The following STK38 variants were observed in gnomAD, a reference collection of about 807,000 sequenced individuals.
STK38 encodes the protein serine/threonine kinase 38, also known as serine/threonine-protein kinase 38.
A neutral mutation model predicts 59.0 loss-of-function variants in STK38; 26 were observed. That is an observed-to-expected ratio of 0.44 (90% CI 0.32 to 0.61). The LOEUF (loss-of-function observed/expected upper bound fraction) is 0.61. STK38 is among the 20% of genes least tolerant of loss of function. STK38 has a pLI of 0.04. For missense variants in STK38, 433 were observed against 566.0 expected (o/e 0.76, Z 2.38); for synonymous variants, 175 against 176.6 (o/e 0.99, Z 0.07).
intron 5 of STK38, among the ~76,000 whole-genome samples, chr6:36,519,877 T>G (rs1375735278): frequency 6.6e-6 from 1 of 152,206 alleles, no homozygotes; most frequent in African/African-American, 2.4e-5. Flanking sequence ...TGTCTTACCC[T>G]TTAAATTTTT....
chr6:36,495,768 T>C lies in STK38; in HGVS notation c.*16A>G, dbSNP rs777707337. On this transcript the variant is annotated 3_prime_UTR_variant, in exon 14 of 14. Transcript: ENST00000229812. ...ACAAAGAACTCTGCTCCACATAGGA[T>C]TCCGTGGCAAGAGTACTATTTTGCT... 13 of 1,613,504 alleles carry C rather than the reference T, an allele frequency of 8.1e-6. No individual in the cohort carries two copies. In the South Asian group the frequency reaches 1.3e-4, roughly 16 times the overall value.
At chr6:36,514,586 A>C (rs995206486) in intron 7 of STK38, among the ~76,000 whole-genome samples, 15 of 152,168 alleles carry the variant, frequency 9.9e-5, no homozygotes, top group Non-Finnish European at 2.1e-4. Context: ...TTATCTAGCA[A>C]GTTAGTTGGC....
At chr6:36,507,966 C>T (rs1777008420) in intron 7 of STK38, among the ~76,000 whole-genome samples, 2 of 122,000 alleles carry the variant, frequency 1.6e-5, no homozygotes, top group South Asian at 2.5e-4. Flanking sequence ...CATGGTCTTG[C>T]TGTGTCACCC....
chr6:36,517,598 G>C, intron 6 of STK38, 119 bp downstream of exon 6: 1 of 1,348,786 alleles, frequency 7.4e-7, no homozygotes, highest in African/African-American at 1.5e-5. Context: ...ACCTAAAAAA[G>C]GATATAGAAA....
chr6:36,504,339 C>CT (rs1776909846), intron 9 of STK38, among the ~76,000 whole-genome samples: 1 of 152,180 alleles, frequency 6.6e-6, no homozygotes, highest in Non-Finnish European at 1.5e-5. Flanking sequence ...AAAGCCTCTA[C>CT]TTTTTTTAGT....
chr6:36,494,248 G>C lies in STK38; in HGVS notation c.*1536C>G, dbSNP rs190270305. Reference sequence around the variant, plus strand: ...ATCCAAAGTAGTTTCACTGACAACTGTAACTCTGATATTCCATTTTTCTCT... The same window carrying C: ...ATCCAAAGTAGTTTCACTGACAACTCTAACTCTGATATTCCATTTTTCTCT... On this transcript the variant is annotated 3_prime_UTR_variant, in exon 14 of 14. Transcript: ENST00000229812. 2.4e-3 allele frequency: 360 copies of C among 152,734 alleles called. 2 individuals are homozygous for C. The highest frequency in any genetic ancestry group is 8.3e-3 in the African/African-American group (343 of 41,564). 9.5% of individuals were successfully genotyped at this position (152,734 alleles called of 1,614,324 possible).
intron 10 of STK38, 103 bp from the exon 11 acceptor site, chr6:36,498,589 CTTTTTTT>C (rs374274208): frequency 6.1e-5 from 57 of 936,308 alleles, no homozygotes; most frequent in African/African-American, 2.3e-4. Flanking sequence ...TTTCTTTTTT[CTTTTTTT>C]TTTTTTTTTG....
chr6:36,543,225 C>T (rs1019804567), intron 1 of STK38, among the ~76,000 whole-genome samples: 17 of 151,724 alleles, frequency 1.1e-4, no homozygotes, highest in African/African-American at 2.9e-4. Flanking sequence ...CCACCACGCC[C>T]GGCTAATTTT....
At chr6:36,507,395 A>C (rs1478375446) in intron 8 of STK38, 105 bp downstream of exon 8, 1 of 942,120 alleles carries the variant, frequency 1.1e-6, no homozygotes, top group Non-Finnish European at 1.7e-6. Flanking sequence ...TTCTCTACAT[A>C]CTCAAAGTGT....
chr6:36,536,799 G>T (rs920895818), intron 2 of STK38, among the ~76,000 whole-genome samples: 29 of 151,858 alleles, frequency 1.9e-4, no homozygotes, highest in African/African-American at 6.8e-4. Flanking sequence ...GCCTCCCAAA[G>T]TGCTGGGATT....
intron 2 of STK38, among the ~76,000 whole-genome samples, chr6:36,528,983 A>G (rs772379313): frequency 2.6e-5 from 4 of 152,318 alleles, no homozygotes; most frequent in Middle Eastern, 3.4e-3. Flanking sequence ...CTTGAACACA[A>G]TCAGATTATT....
chr6:36,506,440 A>G, intron 9 of STK38, 143 bp downstream of exon 9: 1 of 813,866 alleles, frequency 1.2e-6, no homozygotes. Context: ...GGTCCTACCA[A>G]CCTAACAACA....
intron 5 of STK38, among the ~76,000 whole-genome samples, 157 bp from the exon 6 acceptor site, chr6:36,517,997 C>A (rs922803942): frequency 1.3e-5 from 2 of 152,182 alleles, no homozygotes; most frequent in Non-Finnish European, 2.9e-5. Context: ...AACCTACTAA[C>A]TCAAAATTGA....
intron 5 of STK38, among the ~76,000 whole-genome samples, chr6:36,520,105 G>T (rs971470446): frequency 1.3e-5 from 2 of 152,188 alleles, no homozygotes; most frequent in Non-Finnish European, 2.9e-5. Context: ...GCTTCTTCAA[G>T]ATGGCTAAGC....
At chr6:36,505,215 T>C (rs1162491385) in intron 9 of STK38, among the ~76,000 whole-genome samples, 1 of 152,140 alleles carries the variant, frequency 6.6e-6, no homozygotes. Context: ...GCAACCAAGG[T>C]TAAAAACTAC....
intron 10 of STK38, among the ~76,000 whole-genome samples, chr6:36,499,638 T>C (rs909337339): frequency 1.3e-5 from 2 of 152,068 alleles, no homozygotes; most frequent in Non-Finnish European, 2.9e-5. Flanking sequence ...GATGAAGGTA[T>C]AAGAGAAAGA....
At chr6:36,520,277 T>C (rs1777348423) in intron 5 of STK38, among the ~76,000 whole-genome samples, 1 of 152,270 alleles carries the variant, frequency 6.6e-6, no homozygotes, top group South Asian at 2.1e-4. Context: ...ATAGTTTCTT[T>C]ACTTTCATTT....
intron 4 of STK38, among the ~76,000 whole-genome samples, chr6:36,522,749 G>A (rs553500962): frequency 8.0e-5 from 12 of 150,148 alleles, no homozygotes; most frequent in South Asian, 2.1e-4. Flanking sequence ...CCAGTTATTC[G>A]GGAGGCTAAG....
intron 12 of STK38, 42 bp from the exon 13 acceptor site, chr6:36,496,847 C>G (rs758741034): frequency 2.9e-6 from 4 of 1,391,300 alleles, no homozygotes; most frequent in Admixed American, 1.7e-5. Flanking sequence ...AGTTAGTAAT[C>G]AAATGGATCA....
Sources: gnomAD v4.1 joint callset for allele counts (sites outside exome capture counted in the v4.1 genomes callset) on GRCh38, gnomAD v4.1.1 for gene constraint, MANE v1.5 for transcripts, NCBI Gene and HGNC (gene_info 2026-07-23, HGNC 2026-07-21) for gene names.